SH3D19: variants seen among roughly 807,000 people sequenced by gnomAD.
SH3D19 encodes SH3 domain-containing protein 19.
SH3D19 carries 58 observed loss-of-function variants against 112.1 expected under a neutral mutation model. The observed-to-expected ratio is 0.52, with a 90% CI of 0.42 to 0.64. SH3D19 has a LOEUF of 0.64. SH3D19 is among the 30% of genes least tolerant of loss of function. The pLI, the probability that SH3D19 is intolerant of heterozygous loss-of-function variation, is 0.00. For missense variants in SH3D19, 1,090 were observed against 1,263.4 expected, an observed-to-expected ratio of 0.86 and a Z score of 2.08; for synonymous variants, 391 against 448.5, an observed-to-expected ratio of 0.87 and a Z score of 1.62.
intron 1 of SH3D19, among the ~76,000 whole-genome samples, chr4:151,235,737 G>A (rs1769986132): frequency 6.6e-6 from 1 of 152,190 alleles, no homozygotes; most frequent in South Asian, 2.1e-4. Flanking sequence ...AGTGAGCTGA[G>A]ATTGCGCCAC....
At chr4:151,128,424 A>C in intron 17 of SH3D19, 68 bp from the exon 18 acceptor site, 1 of 1,387,700 alleles carries the variant, frequency 7.2e-7, no homozygotes, top group South Asian at 1.7e-5. Flanking sequence ...TACAAAGCTT[A>C]AAAAGTAGTG....
intron 8 of SH3D19, 152 bp from the exon 9 acceptor site, chr4:151,159,504 A>G: frequency 1.7e-6 from 1 of 591,484 alleles, no homozygotes; most frequent in Non-Finnish European, 2.9e-6. Flanking sequence ...AGCAAACTTC[A>G]GAAAATTGAT....
intron 1 of SH3D19, among the ~76,000 whole-genome samples, chr4:151,318,285 A>C (rs1032874899): frequency 4.4e-5 from 6 of 135,352 alleles, no homozygotes; most frequent in Non-Finnish European, 6.2e-5. Flanking sequence ...TAGGCGACAG[A>C]GTGAGACTCT....
At chr4:151,209,281 AT>A (rs112135341) in intron 2 of SH3D19, among the ~76,000 whole-genome samples, 2,012 of 142,608 alleles carry the variant, frequency 0.014, 14 homozygotes, top group African/African-American at 0.028. Flanking sequence ...TCGAAAAAGT[AT>A]TTTTTTTTTT....
chr4:151,234,352 T>A (rs546882948), intron 1 of SH3D19, among the ~76,000 whole-genome samples: 40 of 152,320 alleles, frequency 2.6e-4, no homozygotes, highest in African/African-American at 8.9e-4. Flanking sequence ...GTTTCAGAGA[T>A]GAAATCAAAG....
At chr4:151,191,639 G>A (rs1762642964) in intron 2 of SH3D19, among the ~76,000 whole-genome samples, 1 of 152,078 alleles carries the variant, frequency 6.6e-6, no homozygotes. Context: ...GAAGAGTACA[G>A]AATCTGTTCT....
At chr4:151,242,195 A>G (rs188433401) in intron 1 of SH3D19, among the ~76,000 whole-genome samples, 19 of 152,326 alleles carry the variant, frequency 1.2e-4, no homozygotes, top group African/African-American at 4.3e-4. Context: ...AAAACAAAAA[A>G]AAAAGGTTTG....
intron 19 of SH3D19, among the ~76,000 whole-genome samples, chr4:151,124,650 G>A (rs995054560): frequency 2.0e-5 from 3 of 151,966 alleles, no homozygotes; most frequent in Non-Finnish European, 2.9e-5. Flanking sequence ...TCCAGGAGGC[G>A]GAGGTTGCAG....
intron 1 of SH3D19, among the ~76,000 whole-genome samples, chr4:151,254,453 G>A (rs1268345711): frequency 6.7e-6 from 1 of 149,586 alleles, no homozygotes; most frequent in Non-Finnish European, 1.5e-5. Context: ...GTTTTCCTAG[G>A]CAGAGGACCC....
At chr4:151,155,875 C>A (rs1174872266) in intron 9 of SH3D19, among the ~76,000 whole-genome samples, 1 of 151,936 alleles carries the variant, frequency 6.6e-6, no homozygotes, top group Non-Finnish European at 1.5e-5. Flanking sequence ...GGCGACAGAG[C>A]GAGACTCTGT....
At chr4:151,244,109 A>G (rs1770754810) in intron 1 of SH3D19, among the ~76,000 whole-genome samples, 2 of 152,308 alleles carry the variant, frequency 1.3e-5, no homozygotes, top group Admixed American at 6.5e-5. Flanking sequence ...TTTAATAACT[A>G]GGGAATAAAA....
intron 4 of SH3D19, among the ~76,000 whole-genome samples, chr4:151,178,005 T>G (rs1236702724): frequency 6.6e-6 from 1 of 152,224 alleles, no homozygotes; most frequent in African/African-American, 2.4e-5. Flanking sequence ...CATAGCTCAC[T>G]GCAGCCTCGA....
At chr4:151,281,747 C>G (rs1774255779) in intron 1 of SH3D19, among the ~76,000 whole-genome samples, 1 of 151,966 alleles carries the variant, frequency 6.6e-6, no homozygotes, top group South Asian at 2.1e-4. Flanking sequence ...ATATGTGTAA[C>G]TGTGGTTATA....
intron 3 of SH3D19, among the ~76,000 whole-genome samples, chr4:151,185,365 C>G (rs1761622851): frequency 6.6e-6 from 1 of 152,162 alleles, no homozygotes; most frequent in South Asian, 2.1e-4. Context: ...TCTATCCCTT[C>G]TCATCTTTCC....
intron 1 of SH3D19, among the ~76,000 whole-genome samples, chr4:151,268,496 T>C (rs1772982574): frequency 6.6e-6 from 1 of 151,478 alleles, no homozygotes; most frequent in Non-Finnish European, 1.5e-5. Context: ...AATGTGCAGG[T>C]TAGTTACATA....
At chr4:151,129,589 C>T (rs146173476) in intron 17 of SH3D19, among the ~76,000 whole-genome samples, 1 of 152,260 alleles carries the variant, frequency 6.6e-6, no homozygotes, top group East Asian at 1.9e-4. Flanking sequence ...AGGCTGGTCT[C>T]GAACTCCTGG....
At position 151,195,371 on chromosome 4, in the gene SH3D19, CAAAAAAAAAAAAAAAAA is replaced by C. The variant is rs58618820; in HGVS notation, c.153-7925_153-7909del. On this transcript the variant is annotated intron_variant, in intron 2 of 19. Transcript: ENST00000604030. ...TGGTGGACAGAGTGAGACTCTGTCT[CAAAAAAAAAAAAAAAAA>C]AAAAAAAAAGAAAAAGAAAAAAAGA... Among the ~76,000 whole-genome samples, 10 of 66,796 alleles carry C rather than the reference CAAAAAAAAAAAAAAAAA, an allele frequency of 1.5e-4. No homozygotes were observed. In the East Asian group the frequency reaches 5.0e-3, roughly 33 times the overall value. The allele number at this position is 66,796 out of a possible 152,430, so 43.8% of individuals were successfully genotyped here. A position where few individuals can be genotyped will look rare whatever the true frequency, so the allele number is the denominator to read the frequency against.
At chr4:151,222,695 C>T (rs1450487473) in intron 2 of SH3D19, among the ~76,000 whole-genome samples, 6 of 87,382 alleles carry the variant, frequency 6.9e-5, no homozygotes, top group Admixed American at 1.8e-4. Flanking sequence ...TTTTTTGAGA[C>T]GGAGTCTCAC....
chr4:151,245,137 C>T (rs1298459336), intron 1 of SH3D19, among the ~76,000 whole-genome samples: 2 of 141,318 alleles, frequency 1.4e-5, no homozygotes, highest in Admixed American at 7.3e-5. Flanking sequence ...GAGCAAAACT[C>T]CATCTCAAAA....
Sources: allele counts gnomAD v4.1 joint callset (sites outside exome capture counted in the v4.1 genomes callset), GRCh38; gene constraint gnomAD v4.1.1; transcripts MANE v1.5; gene names NCBI Gene and HGNC (gene_info 2026-07-23, HGNC 2026-07-21).